MARF1: variants seen among roughly 807,000 people sequenced by gnomAD.
MARF1 encodes the protein meiosis regulator and mRNA stability factor 1.
Under a neutral mutation model 168.2 loss-of-function variants are expected in MARF1, and 24 were observed. The observed-to-expected ratio is 0.14, with a 90% CI of 0.10 to 0.20. The LOEUF (loss-of-function observed/expected upper bound fraction) is 0.20. MARF1 is among the 10% of genes least tolerant of loss of function. The pLI, the probability that MARF1 is intolerant of heterozygous loss-of-function variation, is 1.00. For missense variants in MARF1, 1,744 were observed against 2,143.6 expected, an observed-to-expected ratio of 0.81 and a Z score of 3.68; for synonymous variants, 868 against 822.4, an observed-to-expected ratio of 1.06 and a Z score of -0.95.
rs199770629 is a variant in MARF1, at chr16:15,631,381, T to C, written c.1351A>G (p.Thr451Ala). ...AATTAGCAGATGTTTCTGTACTTAC[T>C]TGACACAAGAACCACTGTGGCTGGA... ...TAPATVVLVS[T>A]DVNFALELSD... The change falls in exon 6 of 27, where the codon ACT becomes GCT. Residue 451 changes from threonine to alanine, a missense_variant and splice_region_variant. By Grantham distance (58) the Thr-to-Ala change is moderately conservative. This residue lies in a region of MARF1 where 217 missense variants were observed against 372.4 expected (regional missense o/e 0.58). Transcript: ENST00000396368. 205 of 1,600,288 alleles carry C rather than the reference T, an allele frequency of 1.3e-4. No homozygotes were observed. Among genetic ancestry groups the C allele is most frequent in the Non-Finnish European group, 1.6e-4 (192 of 1,168,122 alleles).
chr16:15,635,479 T>A, intron 3 of MARF1, 177 bp downstream of exon 3: 1 of 591,070 alleles, frequency 1.7e-6, no homozygotes, highest in South Asian at 2.5e-5. Flanking sequence ...TTGAATGATC[T>A]CCCATCTTAC....
In MARF1 at chr16:15,625,771, G is replaced by A. The variant is rs1157584902; in HGVS notation, c.1554C>T (p.Asn518=). The A allele has an allele frequency of 6.2e-7, 1 of 1,613,910 alleles. No homozygotes were observed. The highest frequency in any genetic ancestry group is 2.2e-5 in the East Asian group (1 of 44,882). Residue 518 remains asparagine, a synonymous_variant, in exon 8 of 27, where the codon AAC becomes AAT. Coordinates refer to ENST00000396368, the MANE Select transcript of MARF1 (RefSeq NM_014647.4). ...PQCHTLLYVY[N]LPANKDGKSV... is the part of the protein sequence containing the mutation. ...TCTTGCCATCCTTATTTGCTGGTAG[G>A]TTATAAACATAGAGCAGAGTGTGGC...
Position 15,602,455 on chromosome 16 carries a change from AGAC to A in MARF1, c.4414-255_4414-253del, listed in dbSNP as rs764247382. On this transcript the variant is annotated intron_variant, in intron 22 of 26. Transcript: ENST00000396368. ...GACGACGAGACAAAAACGAAGATAA[AGAC>A]GACAAAGATGAAGACAAAGAACAAG... 42 of 604,360 alleles carry A rather than the reference AGAC, an allele frequency of 6.9e-5. No homozygotes were observed. In the Admixed American group the frequency reaches 1.2e-3, roughly 17 times the overall value. The allele number at this position is 604,360 out of a possible 1,614,324, so 37.4% of individuals were successfully genotyped here.
chr16:15,636,724 A>C (rs1241097339), intron 2 of MARF1, among the ~76,000 whole-genome samples: 1 of 152,232 alleles, frequency 6.6e-6, no homozygotes, highest in Non-Finnish European at 1.5e-5. Context: ...AACAGCATTC[A>C]ATAAAGATGG....
intron 3 of MARF1, 21 bp from the exon 4 acceptor site, chr16:15,634,952 A>G (rs201668492): frequency 6.2e-7 from 1 of 1,609,338 alleles, no homozygotes; most frequent in South Asian, 1.1e-5. Flanking sequence ...TTTTTTTTAA[A>G]AAGGAGGAGG....
chr16:15,615,145 A>G (rs2033939156), intron 16 of MARF1, among the ~76,000 whole-genome samples: 1 of 152,206 alleles, frequency 6.6e-6, no homozygotes, highest in Non-Finnish European at 1.5e-5. Context: ...TTAGGTTGCT[A>G]AAAGGATCTG....
rs748037890 is a variant in MARF1, at chr16:15,625,498, C to T, written c.1827G>A (p.Lys609=). 155 of 1,614,186 alleles carry T rather than the reference C, an allele frequency of 9.6e-5. 1 individual carries two copies. Among genetic ancestry groups the T allele is most frequent in the South Asian group, 9.4e-4 (86 of 91,074 alleles). The change falls in exon 8 of 27, where the codon AAG becomes AAA. Residue 609 remains lysine (K), a synonymous_variant. Coordinates refer to ENST00000396368, the MANE Select transcript of MARF1 (RefSeq NM_014647.4). ...ADKVKSPKKL[K]NPKLCLIKDA... ...CTTTGATGAGGCACAATTTTGGATT[C>T]TTAAGTTTTTTGGGAGACTTCACTT...
At chr16:15,620,324 G>A (rs2034365107) in intron 13 of MARF1, 127 bp downstream of exon 13, 1 of 503,694 alleles carries the variant, frequency 2.0e-6, no homozygotes, top group East Asian at 3.1e-5. Flanking sequence ...ATGTAAATCT[G>A]AATGCCAGTG....
intron 13 of MARF1, among the ~76,000 whole-genome samples, chr16:15,620,002 A>G (rs1208258889): frequency 6.6e-6 from 1 of 152,146 alleles, no homozygotes; most frequent in African/African-American, 2.4e-5. Flanking sequence ...TGTCTCTACT[A>G]AAAATACGAA....
Position 15,598,974 on chromosome 16 carries a change from C to G in MARF1, c.4864G>C (p.Val1622Leu). ...ELLRLTDDSP[V>L]DLLCAPVPSC... ...GGGACAGGCGCACACAGGAGGTCGACGGGGGAGTCGTCGGTCAGGCGGAGA... is the reference window on the plus strand; with the variant it reads ...GGGACAGGCGCACACAGGAGGTCGAGGGGGGAGTCGTCGGTCAGGCGGAGA... Residue 1622 changes from valine to leucine, a missense_variant, in exon 26 of 27, where the codon GTC (valine) becomes CTC (leucine). Around this residue, in one of 7 missense-constraint regions of MARF1, gnomAD observed 313 missense variants for 337.4 expected, o/e 0.93. Coordinates refer to ENST00000396368, the MANE Select transcript of MARF1 (RefSeq NM_014647.4). 6.2e-7 allele frequency: 1 copy of G among 1,611,916 alleles called. No individual in the cohort carries two copies. Among genetic ancestry groups the G allele is most frequent in the Non-Finnish European group, 8.5e-7 (1 of 1,179,118 alleles).
At chr16:15,636,908 T>G (rs1219020560) in intron 2 of MARF1, among the ~76,000 whole-genome samples, 1 of 152,084 alleles carries the variant, frequency 6.6e-6, no homozygotes, top group Non-Finnish European at 1.5e-5. Flanking sequence ...CCCTAAGATA[T>G]CATGACCTAA....
At chr16:15,613,434 G>A (rs2151123884) in intron 16 of MARF1, among the ~76,000 whole-genome samples, 1 of 152,042 alleles carries the variant, frequency 6.6e-6, no homozygotes, top group South Asian at 2.1e-4. Context: ...CGGATCACGA[G>A]GTCAGGAGAT....
In MARF1 at chr16:15,602,075, G is replaced by A. The variant is rs767875924; in HGVS notation, c.4542C>T (p.Ala1514=). The A allele has an allele frequency of 2.1e-5, 34 of 1,614,082 alleles. No individual in the cohort carries two copies. The South Asian group carries it at 3.6e-4, about 17-fold the overall frequency. ...QQIFLHEFSM[A]YTKYVGETLQ... ...GAGTTTCTCCGACATACTTGGTATA[G>A]GCCATGGAAAACTCATGAAGGAAAA... Residue 1514 remains alanine (A), a synonymous_variant, in exon 23 of 27, where the codon GCC becomes GCT. Transcript: ENST00000396368.
rs2034728720 is a variant in MARF1, at chr16:15,624,892, G to A, written c.2147C>T (p.Ser716Phe). The change falls in exon 10 of 27, where the codon TCT (serine) becomes TTT (phenylalanine). Residue 716 changes from serine (S) to phenylalanine (F), a missense_variant. By Grantham distance (155) the Ser-to-Phe change is radical (BLOSUM62 -2). Coordinates refer to ENST00000396368, the MANE Select transcript of MARF1 (RefSeq NM_014647.4). ...ENLSARSVTS[S>F]PVEKKDKEET... ...CTCTTTATCTTTTTTCTCTACAGGA[G>A]AACTGGTAACACTTCGGGCACTGAG... The A allele has an allele frequency of 6.2e-7, 1 of 1,614,044 alleles. No individual in the cohort carries two copies. Among genetic ancestry groups the A allele is most frequent in the African/African-American group, 1.3e-5 (1 of 74,906 alleles).
At chr16:15,611,903 A>T (rs1322373554) in intron 17 of MARF1, among the ~76,000 whole-genome samples, 169 bp from the exon 18 acceptor site, 1 of 152,236 alleles carries the variant, frequency 6.6e-6, no homozygotes, top group Non-Finnish European at 1.5e-5. Flanking sequence ...CAAAAGGAAC[A>T]AATGTCCAAG....
chr16:15,609,996 T>C (rs1356198157), intron 19 of MARF1, among the ~76,000 whole-genome samples: 1 of 152,200 alleles, frequency 6.6e-6, no homozygotes, highest in African/African-American at 2.4e-5. Flanking sequence ...TGTCATCTTA[T>C]AAGCTAGAAA....
chr16:15,639,001 G>T, intron 2 of MARF1, 89 bp downstream of exon 2: 1 of 1,333,076 alleles, frequency 7.5e-7, no homozygotes, highest in Non-Finnish European at 1.0e-6. Flanking sequence ...ACAGACTCTA[G>T]GATGAGAGAC....
chr16:15,613,376 G>A (rs962051574), intron 16 of MARF1, among the ~76,000 whole-genome samples: 38 of 152,126 alleles, frequency 2.5e-4, no homozygotes, highest in African/African-American at 8.5e-4. Context: ...CTTGCTGGTC[G>A]CGGCGGCTCA....
chr16:15,637,630 A>C, intron 2 of MARF1, among the ~76,000 whole-genome samples: 1 of 152,316 alleles, frequency 6.6e-6, no homozygotes, highest in East Asian at 1.9e-4. Context: ...TCTGCATGCC[A>C]CTGACAAAAT....
Sources: allele counts gnomAD v4.1 joint callset (sites outside exome capture counted in the v4.1 genomes callset), GRCh38; gene constraint gnomAD v4.1.1; regional missense constraint gnomAD v4.1.1; transcripts MANE v1.5; gene names NCBI Gene and HGNC (gene_info 2026-07-23, HGNC 2026-07-21).